Variants in MIPOL1 observed in about 807,000 individuals in gnomAD.
MIPOL1 encodes mirror-image polydactyly 1, also known as mirror-image polydactyly gene 1 protein.
A neutral mutation model predicts 60.9 loss-of-function variants in MIPOL1; 57 were observed. The observed-to-expected ratio is 0.94, with a 90% confidence interval of 0.76 to 1.17. The LOEUF is 1.17. Ranked by LOEUF, MIPOL1 falls within the 50% of genes most tolerant of loss-of-function variation. The pLI, the probability that MIPOL1 is intolerant of heterozygous loss-of-function variation, is 0.00. For synonymous variants in MIPOL1, 179 were observed against 168.8 expected (o/e 1.06, Z -0.47); for missense variants, 551 against 511.6 (o/e 1.08, Z -0.74).
At chr14:37,400,192 G>A (rs572597445) in intron 10 of MIPOL1, 1 of 152,098 alleles carries the variant, frequency 6.6e-6, no homozygotes, top group African/African-American at 2.4e-5. Context: ...CATGAATGAA[G>A]TAAAGAAGAT....
chr14:37,517,081 C>T (rs1019723771), intron 12 of MIPOL1, among the ~76,000 whole-genome samples: 6 of 152,064 alleles, frequency 3.9e-5, no homozygotes, highest in Non-Finnish European at 8.8e-5. Context: ...AGTGAACTAA[C>T]AGGACCCTCA....
intron 12 of MIPOL1, among the ~76,000 whole-genome samples, chr14:37,515,633 T>A (rs1292952188): frequency 6.6e-6 from 1 of 152,124 alleles, no homozygotes; most frequent in African/African-American, 2.4e-5. Context: ...TCTTGAAAAA[T>A]CTTTCTTAAG....
intron 12 of MIPOL1, among the ~76,000 whole-genome samples, chr14:37,515,601 A>G (rs1169366624): frequency 6.6e-6 from 1 of 152,214 alleles, no homozygotes; most frequent in African/African-American, 2.4e-5. Context: ...AATGGTAAAA[A>G]TAACATAAAA....
chr14:37,319,442 C>G (rs1201654868), intron 9 of MIPOL1, among the ~76,000 whole-genome samples: 1 of 152,108 alleles, frequency 6.6e-6, no homozygotes, highest in Non-Finnish European at 1.5e-5. Flanking sequence ...CAATGTGAAA[C>G]TTGCAGTTTT....
At chr14:37,489,269 T>C (rs1314230601) in intron 11 of MIPOL1, among the ~76,000 whole-genome samples, 2 of 152,124 alleles carry the variant, frequency 1.3e-5, no homozygotes, top group Non-Finnish European at 2.9e-5. Flanking sequence ...TACTTGTGTA[T>C]GTATCACGTG....
intron 9 of MIPOL1, among the ~76,000 whole-genome samples, chr14:37,362,556 C>G (rs548829650): frequency 6.6e-6 from 1 of 152,254 alleles, no homozygotes; most frequent in Non-Finnish European, 1.5e-5. Context: ...TCCTTTATTT[C>G]AACCTTGGTG....
intron 12 of MIPOL1, among the ~76,000 whole-genome samples, chr14:37,534,349 A>G (rs2095496244): frequency 6.6e-6 from 1 of 152,202 alleles, no homozygotes; most frequent in African/African-American, 2.4e-5. Flanking sequence ...AAGGTTATTG[A>G]CAAAATATAT....
chr14:37,404,357 T>C (rs1439485531), intron 10 of MIPOL1, among the ~76,000 whole-genome samples: 3 of 152,186 alleles, frequency 2.0e-5, no homozygotes, highest in Non-Finnish European at 2.9e-5. Context: ...AGAGGAAATA[T>C]ATTGCTTCAG....
chr14:37,403,383 C>T (rs2093525470), intron 10 of MIPOL1, among the ~76,000 whole-genome samples: 1 of 133,690 alleles, frequency 7.5e-6, no homozygotes, highest in Non-Finnish European at 1.6e-5. Flanking sequence ...GTTGAAATTT[C>T]TACTGTAGGA....
At chr14:37,532,957 CA>C (rs1422370749) in intron 12 of MIPOL1, among the ~76,000 whole-genome samples, 2 of 151,652 alleles carry the variant, frequency 1.3e-5, no homozygotes, top group African/African-American at 4.8e-5. Flanking sequence ...CTATAAAATA[CA>C]AAAAAAGTGT....
At chr14:37,428,413 A>T (rs1251023501) in intron 11 of MIPOL1, among the ~76,000 whole-genome samples, 2 of 152,158 alleles carry the variant, frequency 1.3e-5, no homozygotes, top group Non-Finnish European at 2.9e-5. Context: ...CAACATGACC[A>T]AACCCCATCT....
At chr14:37,364,836 T>A (rs971331681) in intron 9 of MIPOL1, among the ~76,000 whole-genome samples, 1 of 152,228 alleles carries the variant, frequency 6.6e-6, no homozygotes, top group Non-Finnish European at 1.5e-5. Flanking sequence ...TTTACAATAT[T>A]GACTCTTCCA....
intron 11 of MIPOL1, among the ~76,000 whole-genome samples, chr14:37,469,337 T>C (rs2094645563): frequency 6.7e-6 from 1 of 150,166 alleles, no homozygotes; most frequent in East Asian, 2.0e-4. Context: ...AGCAGGGGGG[T>C]GCTACATACT....
Position 37,453,566 on chromosome 14 carries a change from C to T in MIPOL1, c.1031+30617C>T, listed in dbSNP as rs530837629. Among the ~76,000 whole-genome samples the T allele has an allele frequency of 2.6e-5, 4 of 152,026 alleles. No homozygotes were observed. In the South Asian group the frequency reaches 8.3e-4, roughly 32 times the overall value. Reference sequence around the variant, plus strand: ...GAGTAATTATTTGACCTGTTTAGCTCCATTTTTTCATTTTAAATGGAATGG... The same window carrying T: ...GAGTAATTATTTGACCTGTTTAGCTTCATTTTTTCATTTTAAATGGAATGG... On this transcript the variant is annotated intron_variant, in intron 11 of 12. Transcript: ENST00000684589.
At chr14:37,222,304 C>G (rs541613896) in intron 1 of MIPOL1, among the ~76,000 whole-genome samples, 4 of 151,436 alleles carry the variant, frequency 2.6e-5, no homozygotes, top group Non-Finnish European at 4.4e-5. Flanking sequence ...CTCACTGCAG[C>G]CTGGACCTCC....
chr14:37,349,959 G>C (rs1211892507), intron 9 of MIPOL1, among the ~76,000 whole-genome samples: 2 of 152,110 alleles, frequency 1.3e-5, no homozygotes, highest in African/African-American at 4.8e-5. Flanking sequence ...GGATAAATTA[G>C]TTACATAGTT....
At chr14:37,445,591 C>A (rs1390850293) in intron 11 of MIPOL1, among the ~76,000 whole-genome samples, 1 of 151,440 alleles carries the variant, frequency 6.6e-6, no homozygotes, top group Non-Finnish European at 1.5e-5. Context: ...TCATATGGAA[C>A]CAAAAAAGAG....
chr14:37,437,698 C>G (rs1355654795), intron 11 of MIPOL1, among the ~76,000 whole-genome samples: 2 of 152,116 alleles, frequency 1.3e-5, no homozygotes, highest in African/African-American at 4.8e-5. Flanking sequence ...ATTAACCTCT[C>G]AAAGCCTCAA....
chr14:37,271,766 T>C (rs1445461244), intron 6 of MIPOL1, among the ~76,000 whole-genome samples: 1 of 151,692 alleles, frequency 6.6e-6, no homozygotes, highest in Non-Finnish European at 1.5e-5. Flanking sequence ...AGAAGAAATT[T>C]GTTTTGGATA....
Sources: allele counts gnomAD v4.1 joint callset (sites outside exome capture counted in the v4.1 genomes callset), GRCh38; gene constraint gnomAD v4.1.1; transcripts MANE v1.5; gene names NCBI Gene and HGNC (gene_info 2026-07-23, HGNC 2026-07-21).